Variants in AGL observed in about 807,000 individuals in gnomAD.
AGL encodes glycogen debranching enzyme.
Under a neutral mutation model 199.3 loss-of-function variants are expected in AGL, and 128 were observed. The ratio of observed to expected loss-of-function variants is 0.64; its 90% CI spans 0.56 to 0.74. The LOEUF (loss-of-function observed/expected upper bound fraction) is 0.74, where lower values mean the gene tolerates loss of function less well. Among genes scored for constraint, AGL ranks in the 30% least tolerant of loss-of-function variants. The pLI is 0.00. For missense variants in AGL, 1,809 were observed against 1,820.8 expected (o/e 0.99, Z 0.12); for synonymous variants, 584 against 594.7 (o/e 0.98, Z 0.26).
intron 13 of AGL, among the ~76,000 whole-genome samples, chr1:99,880,401 G>A (rs535381936): frequency 5.4e-4 from 83 of 152,316 alleles, no homozygotes; most frequent in Middle Eastern, 3.4e-3. Flanking sequence ...TTACATCCCA[G>A]TAAACAACAT....
At chr1:99,899,524 C>CTCTT (rs10637207) in intron 25 of AGL, among the ~76,000 whole-genome samples, 61,970 of 135,442 alleles carry the variant, frequency 0.46, 13,014 homozygotes, top group East Asian at 0.49. Flanking sequence ...CTCTCTCTCT[C>CTCTT]TCTCTTTCTC....
Position 99,910,807 on chromosome 1 carries a change from A to G in AGL, c.3796A>G (p.Ser1266Gly), listed in dbSNP as rs1030940072. 2 of 1,613,268 alleles carry G rather than the reference A, an allele frequency of 1.2e-6. No individual in the cohort carries two copies. The highest frequency in any genetic ancestry group is 8.5e-7 in the Non-Finnish European group (1 of 1,179,512). ...CGTWMDKMGE[S>G]DRARNRGIPA... ...CACATGGATGGATAAAATGGGAGAA[A>G]GTGACAGAGCTAGAAACAGAGGAAT... Residue 1266 changes from serine (S) to glycine (G), a missense_variant, in exon 28 of 34, where the codon AGT becomes GGT. By Grantham distance (56) the Ser-to-Gly change is moderately conservative. Transcript: ENST00000361915.
At chr1:99,862,126 G>A (rs1650089530) in intron 3 of AGL, 131 bp from the exon 4 acceptor site, 2 of 999,468 alleles carry the variant, frequency 2.0e-6, no homozygotes, top group Non-Finnish European at 3.0e-6. Flanking sequence ...CTTTTAAAAT[G>A]ATTTTATGTG....
rs746130741 is a variant in AGL at position 99,881,653 on chromosome 1, C to A, written c.2270C>A (p.Ser757Ter). 1 of 1,613,756 alleles carries A rather than the reference C, an allele frequency of 6.2e-7. No homozygotes were observed. Reference sequence around the variant, plus strand: ...ACTGCTTTCAGGAATCCCAAGACTTCATTTTACAGCAAGGAAGTGCCTCAA... The same window carrying A: ...ACTGCTTTCAGGAATCCCAAGACTTAATTTTACAGCAAGGAAGTGCCTCAA... ...SRTAFRNPKT[S>*]FYSKEVPQMC... The change falls in exon 17 of 34, where the codon TCA becomes TAA. Residue 757 changes from serine (S) to a stop codon, truncating the protein, a stop_gained. Coordinates refer to ENST00000361915, the MANE Select transcript of AGL (RefSeq NM_000642.3). LOFTEE classifies it high-confidence loss of function.
At chr1:99,863,210 T>C (rs1650214058) in intron 4 of AGL, among the ~76,000 whole-genome samples, 1 of 152,054 alleles carries the variant, frequency 6.6e-6, no homozygotes, top group East Asian at 1.9e-4. Context: ...AGTGCTGGGA[T>C]TATAGGCATG....
At position 99,913,557 on chromosome 1, in the gene AGL, G is replaced by A. The variant is rs267606640; in HGVS notation, c.3980G>A (p.Trp1327Ter). 156 of 1,613,708 alleles carry A rather than the reference G, an allele frequency of 9.7e-5. No homozygotes were observed. The highest frequency in any genetic ancestry group is 1.2e-4 in the Non-Finnish European group (142 of 1,179,890). Residue 1327 changes from tryptophan (W) to a stop codon, truncating the protein, a stop_gained, in exon 30 of 34, where the codon TGG (tryptophan) becomes TAG (stop). Transcript: ENST00000361915. LOFTEE classifies it high-confidence loss of function. ...GCTATAAAGGTCTCATATGATGAGT[G>A]GAACAGAAAAATACAAGACAACTTT... Reference protein sequence around the residue: ...GKAIKVSYDEWNRKIQDNFEK... With the variant: ...GKAIKVSYDE
At chr1:99,853,749 C>T (rs1406042607) in intron 2 of AGL, among the ~76,000 whole-genome samples, 10 of 152,062 alleles carry the variant, frequency 6.6e-5, no homozygotes, top group Non-Finnish European at 1.3e-4. Flanking sequence ...ATTAGCTGGG[C>T]ATGATGGTGC....
Position 99,874,694 on chromosome 1 carries a change from G to A in AGL, c.966G>A (p.Arg322=), listed in dbSNP as rs199905460. 2.5e-5 allele frequency: 40 copies of A among 1,589,396 alleles called. No homozygotes were observed. Among genetic ancestry groups the A allele is most frequent in the Admixed American group, 3.4e-5 (2 of 59,208 alleles). Residue 322 remains arginine (R), a synonymous_variant, in exon 8 of 34, where the codon AGG becomes AGA. Coordinates refer to ENST00000361915, the MANE Select transcript of AGL (RefSeq NM_000642.3). ...QFRRLLTQEN[R]RVTKSDPNQH... ...GTCTTTTCTTTCTTTTAGAAAATAGGCGAGTAACCAAGTCTGATCCAAACC... is the reference window on the plus strand; with the variant it reads ...GTCTTTTCTTTCTTTTAGAAAATAGACGAGTAACCAAGTCTGATCCAAACC...
chr1:99,887,562 T>A (rs970148436), intron 20 of AGL, among the ~76,000 whole-genome samples: 5 of 152,146 alleles, frequency 3.3e-5, no homozygotes, highest in African/African-American at 1.2e-4. Context: ...GCATAAAAAG[T>A]TCTTGATGTC....
At chr1:99,898,116 C>G (rs533186708) in intron 25 of AGL, among the ~76,000 whole-genome samples, 3 of 151,454 alleles carry the variant, frequency 2.0e-5, no homozygotes, top group Non-Finnish European at 4.4e-5. Context: ...GCGCAATCTC[C>G]GCTCACTGCA....
At position 99,875,448 on chromosome 1, in the gene AGL, G is replaced by A. The variant is rs1296666772; in HGVS notation, c.1276G>A (p.Val426Ile). The change falls in exon 10 of 34, where the codon GTT becomes ATT. Residue 426 changes from valine (V) to isoleucine (I), a missense_variant. By Grantham distance (29) the Val-to-Ile change is conservative (BLOSUM62 3). Coordinates refer to ENST00000361915, the MANE Select transcript of AGL (RefSeq NM_000642.3). ...LGPVTRKHPLVTRYFTFPFEE... is the reference protein window; with the variant it reads ...LGPVTRKHPLITRYFTFPFEE... ...ACCTGTCACTAGAAAGCATCCTTTA[G>A]TTACCAGGTGTTGCATTTTTGTTTT... is the stretch of plus-strand genomic sequence containing the variant. 6.2e-6 allele frequency: 10 copies of A among 1,613,856 alleles called. No individual in the cohort carries two copies. Among genetic ancestry groups the A allele is most frequent in the Non-Finnish European group, 8.5e-6 (10 of 1,179,912 alleles).
chr1:99,853,156 C>T (rs1458132510), intron 2 of AGL, among the ~76,000 whole-genome samples: 2 of 152,158 alleles, frequency 1.3e-5, no homozygotes, highest in African/African-American at 4.8e-5. Context: ...AGTCTCTTCC[C>T]TTTGTTATTA....
chr1:99,896,082 T>C (rs577002826), intron 24 of AGL, among the ~76,000 whole-genome samples: 78 of 152,370 alleles, frequency 5.1e-4, no homozygotes, highest in Non-Finnish European at 9.4e-4. Flanking sequence ...TTTAGGAATC[T>C]GACAAGATAA....
chr1:99,876,004 A>G (rs560952165), intron 10 of AGL, among the ~76,000 whole-genome samples: 1 of 152,282 alleles, frequency 6.6e-6, no homozygotes, highest in Middle Eastern at 3.4e-3. Flanking sequence ...CCTCCCAAGT[A>G]GCCAGGACTA....
At chr1:99,857,322 C>T (rs1337663110) in intron 2 of AGL, among the ~76,000 whole-genome samples, 3 of 151,242 alleles carry the variant, frequency 2.0e-5, no homozygotes, top group Admixed American at 1.3e-4. Flanking sequence ...CTCCTCACTT[C>T]CCAGACTGGG....
chr1:99,887,112 G>A (rs561486105), intron 20 of AGL, among the ~76,000 whole-genome samples: 1 of 152,284 alleles, frequency 6.6e-6, no homozygotes, highest in South Asian at 2.1e-4. Context: ...AGAGAACAAA[G>A]CACAGATGAC....
chr1:99,898,973 A>G (rs1000710195), intron 25 of AGL, among the ~76,000 whole-genome samples: 6 of 152,202 alleles, frequency 3.9e-5, no homozygotes, highest in South Asian at 4.1e-4. Context: ...ATGGCCAGGC[A>G]TGGTGGCTCA....
intron 24 of AGL, among the ~76,000 whole-genome samples, chr1:99,893,861 T>G (rs1369916540): frequency 6.6e-6 from 1 of 152,104 alleles, no homozygotes; most frequent in Admixed American, 6.6e-5. Context: ...TTAAACTGAT[T>G]GGGGATGTCT....
chr1:99,874,517 A>C (rs79132413), intron 7 of AGL, 170 bp from the exon 8 acceptor site: 2 of 649,546 alleles, frequency 3.1e-6, no homozygotes, highest in East Asian at 5.6e-5. Flanking sequence ...GCACGTGCAC[A>C]CACGTGCACA....
Sources: gnomAD v4.1 joint callset for allele counts (sites outside exome capture counted in the v4.1 genomes callset) on GRCh38, gnomAD v4.1.1 for gene constraint, MANE v1.5 for transcripts, NCBI Gene and HGNC (gene_info 2026-07-23, HGNC 2026-07-21) for gene names.